Variants in NLRX1 observed in about 807,000 individuals in gnomAD.
NLRX1 encodes NOD-like receptor X1.
NLRX1 carries 67 observed loss-of-function variants against 74.2 expected under a neutral mutation model. That is an observed-to-expected ratio of 0.90 (90% CI 0.74 to 1.11). The LOEUF (loss-of-function observed/expected upper bound fraction) is 1.11. NLRX1 is among the 50% of genes least tolerant of loss of function. The probability of loss-of-function intolerance (pLI) is 0.00; values close to 1 mark genes in which losing one functional copy is unlikely to be tolerated. For missense variants in NLRX1, 1,191 were observed against 1,305.4 expected (o/e 0.91, Z 1.35); for synonymous variants, 506 against 559.1 (o/e 0.91, Z 1.34).
At chr11:119,169,712 C>CAA (rs1224231362) in intron 1 of NLRX1, among the ~76,000 whole-genome samples, 3 of 152,236 alleles carry the variant, frequency 2.0e-5, no homozygotes, top group South Asian at 4.1e-4. Context: ...TGGTTGGGGC[C>CAA]CGAGTGGTGG....
chr11:119,172,898 C>T lies in NLRX1; in HGVS notation c.141-3C>T, dbSNP rs1454334349. 6.2e-7 allele frequency: 1 copy of T among 1,612,834 alleles called. No homozygotes were observed. The highest frequency in any genetic ancestry group is 1.7e-5 in the Admixed American group (1 of 60,012). On this transcript the variant is annotated splice_polypyrimidine_tract_variant and splice_region_variant and intron_variant, in intron 3 of 9. Transcript: ENST00000409109. ...CCAGCTCATCCCCTCTCCTTGTTCC[C>T]AGGGCCTTTATACGCCACCACGGAA...
chr11:119,174,362 T>G, intron 5 of NLRX1, 91 bp from the exon 6 acceptor site: 1 of 1,330,604 alleles, frequency 7.5e-7, no homozygotes, highest in Non-Finnish European at 1.0e-6. Flanking sequence ...GTCTTCATCC[T>G]TGGACACTCC....
At position 119,179,820 on chromosome 11, in the gene NLRX1, G is replaced by C. The variant is rs1948786606; in HGVS notation, c.1799G>C (p.Ser600Thr). 3 of 1,614,098 alleles carry C rather than the reference G, an allele frequency of 1.9e-6. No individual in the cohort carries two copies. The highest frequency in any genetic ancestry group is 1.7e-6 in the Non-Finnish European group (2 of 1,180,044). Reference protein sequence around the residue: ...NDDVLDQMGASILGVEGPRRH... With the variant: ...NDDVLDQMGATILGVEGPRRH... ...GATGTTCTGGACCAGATGGGCGCCA[G>C]TATCCTGGGCGTGGAGGGCCCCCGG... Residue 600 changes from serine to threonine, a missense_variant, in exon 7 of 10, where the codon AGT becomes ACT. Transcript: ENST00000409109.
Position 119,180,282 on chromosome 11 carries a change from A to G in NLRX1, c.2261A>G (p.Lys754Arg). 2 of 1,575,734 alleles carry G rather than the reference A, an allele frequency of 1.3e-6. No homozygotes were observed. The highest frequency in any genetic ancestry group is 1.2e-5 in the South Asian group (1 of 86,618). Residue 754 changes from lysine to arginine, a missense_variant, in exon 7 of 10, where the codon AAG (lysine) becomes AGG (arginine). Lys to Arg is a conservative substitution (Grantham distance 26, BLOSUM62 2). Transcript: ENST00000409109. Reference protein sequence around the residue: ...TLLPVFLRARKLGLQLNSLGP... With the variant: ...TLLPVFLRARRLGLQLNSLGP... The stretch of plus-strand genomic sequence containing the variant: ...CTGCCTGTCTTCCTGCGTGCCCGGA[A>G]GCTGGGGTGAGGACCTATCCTCATG...
At position 119,179,896 on chromosome 11, in the gene NLRX1, G is replaced by A. The variant is rs1435431639; in HGVS notation, c.1875G>A (p.Met625Ile). The A allele has an allele frequency of 6.2e-7, 1 of 1,612,274 alleles. No individual in the cohort carries two copies. The highest frequency in any genetic ancestry group is 1.1e-5 in the South Asian group (1 of 91,012). The change falls in exon 7 of 10, where the codon ATG becomes ATA. Residue 625 changes from methionine to isoleucine, a missense_variant. Transcript: ENST00000409109. ...PEDEVFELFP[M>I]FMGGLLSAHN... is the part of the protein sequence containing the mutation. ...ATGAAGTCTTCGAGCTCTTCCCCAT[G>A]TTCATGGGGGGGCTTCTCTCTGCCC... is the stretch of plus-strand genomic sequence containing the variant.
rs1244195176 is a variant in NLRX1, at chr11:119,183,344, G to C, written c.2833G>C (p.Gly945Arg). The C allele has an allele frequency of 1.9e-6, 3 of 1,614,232 alleles. No homozygotes were observed. Among genetic ancestry groups the C allele is most frequent in the Non-Finnish European group, 2.5e-6 (3 of 1,180,040 alleles). Residue 945 changes from glycine (G) to arginine (R), a missense_variant, in exon 10 of 10, where the codon GGT becomes CGT. Coordinates refer to ENST00000409109, the MANE Select transcript of NLRX1 (RefSeq NM_001282144.2). This position sits in a 1 kb window ranked among gnomAD's most constrained non-coding sequence, Gnocchi z 5.7. ...LLLRDLEDSR[G>R]ATLNPWRKAQ... ...ACTGCGGGATCTGGAAGATAGCCGGGGTGCCACCCTTAATCCTTGGCGCAA... is the reference window on the plus strand; with the variant it reads ...ACTGCGGGATCTGGAAGATAGCCGGCGTGCCACCCTTAATCCTTGGCGCAA...
chr11:119,172,995 G>A lies in NLRX1; in HGVS notation c.229+6G>A. ...CCCCAGCGCCTCTGCAACTGGTAAAGGGACTGGCTGGGACCCTGGTCAGGG... is the reference window on the plus strand; with the variant it reads ...CCCCAGCGCCTCTGCAACTGGTAAAAGGACTGGCTGGGACCCTGGTCAGGG... On this transcript the variant is annotated splice_donor_region_variant and intron_variant, in intron 4 of 9. Coordinates refer to ENST00000409109, the MANE Select transcript of NLRX1 (RefSeq NM_001282144.2). 1 of 1,609,554 alleles carries A rather than the reference G, an allele frequency of 6.2e-7. No homozygotes were observed. The highest frequency in any genetic ancestry group is 8.5e-7 in the Non-Finnish European group (1 of 1,176,250).
At position 119,183,964 on chromosome 11, in the gene NLRX1, G is replaced by A. The variant is rs528800233; in HGVS notation, c.*525G>A. On this transcript the variant is annotated 3_prime_UTR_variant, in exon 10 of 10. Coordinates refer to ENST00000409109, the MANE Select transcript of NLRX1 (RefSeq NM_001282144.2). This position sits in a 1 kb window ranked among gnomAD's most constrained non-coding sequence, Gnocchi z 5.7. ...TGGTATGATGGCTTGGTAGCCCCTC[G>A]AGGCAGATGCACCTGACTTGCTGCT... The A allele has an allele frequency of 1.0e-5, 8 of 771,466 alleles. No individual in the cohort carries two copies. Among genetic ancestry groups the A allele is most frequent in the East Asian group, 2.4e-5 (1 of 40,978 alleles). The allele number at this position is 771,466 out of a possible 1,614,324, so 47.8% of individuals were successfully genotyped here.
Position 119,179,769 on chromosome 11 carries a change from T to A in NLRX1, c.1748T>A (p.Phe583Tyr). The A allele has an allele frequency of 1.2e-6, 2 of 1,614,062 alleles. No homozygotes were observed. Among genetic ancestry groups the A allele is most frequent in the Non-Finnish European group, 1.7e-6 (2 of 1,179,990 alleles). The change falls in exon 7 of 10, where the codon TTT becomes TAT. Residue 583 changes from phenylalanine to tyrosine, a missense_variant. Phe to Tyr is a conservative substitution (Grantham distance 22). Transcript: ENST00000409109. ...AVAQAMVLEM[F>Y]REEDYYNDDV... The stretch of plus-strand genomic sequence containing the variant: ...GCTCAGGCCATGGTGCTGGAGATGT[T>A]TCGAGAGGAGGACTACTACAACGAT...
rs369654760 is a variant in NLRX1 at position 119,175,074 on chromosome 11, G to A, written c.1471G>A (p.Val491Met). The A allele has an allele frequency of 5.0e-6, 8 of 1,614,016 alleles. No homozygotes were observed. The highest frequency in any genetic ancestry group is 6.8e-6 in the Non-Finnish European group (8 of 1,180,044). The change falls in exon 6 of 10, where the codon GTG becomes ATG. Residue 491 changes from valine (V) to methionine (M), a missense_variant. By Grantham distance (21) the Val-to-Met change is conservative. Transcript: ENST00000409109. Reference protein sequence around the residue: ...CVEPGRAGTFVFTVPAMQEYL... With the variant: ...CVEPGRAGTFMFTVPAMQEYL... ...GGAGCCAGGGCGTGCAGGCACCTTC[G>A]TGTTCACCGTGCCCGCCATGCAGGA...
intron 1 of NLRX1, among the ~76,000 whole-genome samples, chr11:119,170,000 G>GAAAAAAAA (rs59630475): frequency 2.5e-5 from 1 of 40,306 alleles, no homozygotes. Flanking sequence ...CCTGTCTCAG[G>GAAAAAAAA]AAAAAAAAAA....
At chr11:119,182,009 C>T (rs1948849096) in intron 8 of NLRX1, 85 bp from the exon 9 acceptor site, 1 of 1,519,054 alleles carries the variant, frequency 6.6e-7, no homozygotes, top group Non-Finnish European at 9.0e-7. Flanking sequence ...AGGGCTGCCC[C>T]ATTAAGGCTG....
At chr11:119,179,143 T>G (rs1948764728) in intron 6 of NLRX1, among the ~76,000 whole-genome samples, 1 of 152,204 alleles carries the variant, frequency 6.6e-6, no homozygotes. Flanking sequence ...GAACTGCATG[T>G]TGAAGATGGT....
intron 1 of NLRX1, 94 bp downstream of exon 1, chr11:119,169,396 G>C (rs1948484521): frequency 6.6e-6 from 1 of 152,470 alleles, no homozygotes; most frequent in Non-Finnish European, 1.5e-5. Context: ...GTCCCGTCTT[G>C]ACTCAGTGGC....
rs199476045 is a variant in NLRX1 at position 119,175,076 on chromosome 11, G to A, written c.1473G>A (p.Val491=). 6.2e-7 allele frequency: 1 copy of A among 1,614,146 alleles called. No homozygotes were observed. The highest frequency in any genetic ancestry group is 8.5e-7 in the Non-Finnish European group (1 of 1,180,040). The change falls in exon 6 of 10, where the codon GTG becomes GTA. Residue 491 remains valine (V), a synonymous_variant. Coordinates refer to ENST00000409109, the MANE Select transcript of NLRX1 (RefSeq NM_001282144.2). ...AGCCAGGGCGTGCAGGCACCTTCGT[G>A]TTCACCGTGCCCGCCATGCAGGAAT... ...CVEPGRAGTF[V]FTVPAMQEYL...
intron 6 of NLRX1, among the ~76,000 whole-genome samples, chr11:119,177,076 T>C (rs1948718560): frequency 6.6e-6 from 1 of 152,046 alleles, no homozygotes; most frequent in East Asian, 1.9e-4. Context: ...GCTATTTAAT[T>C]GTTTTTTGTT....
chr11:119,177,391 T>C (rs1313776739), intron 6 of NLRX1, among the ~76,000 whole-genome samples: 2 of 151,698 alleles, frequency 1.3e-5, no homozygotes, highest in East Asian at 2.0e-4. Context: ...CTATGCTGTT[T>C]AATTGTTTGT....
Position 119,183,102 on chromosome 11 carries a change from TTCTC to T in NLRX1, c.2607-11_2607-8del, listed in dbSNP as rs766485763. The stretch of plus-strand genomic sequence containing the variant: ...AGAGCTCTACTGAATGGCATCGACT[TTCTC>T]TCTCCTGCCAGCCTCTACTTCAATG... On this transcript the variant is annotated splice_polypyrimidine_tract_variant and intron_variant, in intron 9 of 9. Coordinates refer to ENST00000409109, the MANE Select transcript of NLRX1 (RefSeq NM_001282144.2). The surrounding 1 kb of genome is among the most constrained non-coding windows in gnomAD (Gnocchi z 5.7). 2 of 1,612,096 alleles carry T rather than the reference TTCTC, an allele frequency of 1.2e-6. No individual in the cohort carries two copies. The highest frequency in any genetic ancestry group is 8.5e-7 in the Non-Finnish European group (1 of 1,179,010).
chr11:119,168,432 A>C (rs1326311283), upstream of NLRX1: 1 of 152,348 alleles, frequency 6.6e-6, no homozygotes, highest in East Asian at 1.9e-4. Flanking sequence ...CCTTAGGCTC[A>C]GGTCTCTGCC....
Sources: allele counts gnomAD v4.1 joint callset (sites outside exome capture counted in the v4.1 genomes callset), GRCh38; gene constraint gnomAD v4.1.1; non-coding constraint Gnocchi (gnomAD v3.1); transcripts MANE v1.5; gene names NCBI Gene and HGNC (gene_info 2026-07-23, HGNC 2026-07-21).